The following SLMAP variants were observed in gnomAD, a reference collection of about 807,000 sequenced individuals.
The protein encoded by SLMAP is sarcolemma associated protein.
In SLMAP, 44 loss-of-function variants were observed where a neutral mutation model predicts 128.8. The observed-to-expected ratio is 0.34, with a 90% confidence interval of 0.27 to 0.44. The LOEUF (loss-of-function observed/expected upper bound fraction) is 0.44, where lower values mean the gene tolerates loss of function less well. Ranked by LOEUF, SLMAP falls within the 20% of genes least tolerant of loss-of-function variation. SLMAP has a pLI of 1.00. For missense variants in SLMAP, 787 were observed against 985.3 expected, an observed-to-expected ratio of 0.80 and a Z score of 2.69; for synonymous variants, 327 against 348.8, an observed-to-expected ratio of 0.94 and a Z score of 0.70.
chr3:57,858,992 G>C (rs2094920673), intron 8 of SLMAP, among the ~76,000 whole-genome samples: 1 of 152,200 alleles, frequency 6.6e-6, no homozygotes, highest in East Asian at 1.9e-4. Context: ...ATGTAATTCT[G>C]TTATTCCTTC....
rs374050940 is a variant in SLMAP, at chr3:57,890,058, G to A, written c.1318G>A (p.Gly440Arg). 3.1e-6 allele frequency: 5 copies of A among 1,613,484 alleles called. No homozygotes were observed. Among genetic ancestry groups the A allele is most frequent in the Non-Finnish European group, 3.4e-6 (4 of 1,179,558 alleles). Residue 440 changes from glycine to arginine, a missense_variant, in exon 15 of 25, where the codon GGG becomes AGG. Gly to Arg is a moderately radical substitution (Grantham distance 125). Around this residue, in one of 2 missense-constraint regions of SLMAP, gnomAD observed 715 missense variants for 843.6 expected, o/e 0.85. Transcript: ENST00000671191. ...CTTGGCAGAGAAGCTGATCGTCGAA[G>A]GGCATCTAACCAAAGCGGTAGAAGA... ...IECQKKLIVE[G>R]HLTKAVEETK...
At chr3:57,870,484 C>T (rs1321995184) in intron 13 of SLMAP, among the ~76,000 whole-genome samples, 1 of 151,978 alleles carries the variant, frequency 6.6e-6, no homozygotes, top group Non-Finnish European at 1.5e-5. Context: ...AACCTTTTTC[C>T]TCCATGTTTT....
At chr3:57,762,935 G>A (rs1314426667) in intron 2 of SLMAP, among the ~76,000 whole-genome samples, 2 of 152,056 alleles carry the variant, frequency 1.3e-5, no homozygotes, top group Admixed American at 6.6e-5. Flanking sequence ...ATTTGGCCAC[G>A]CTGGTCATGA....
intron 17 of SLMAP, 30 bp downstream of exon 17, chr3:57,896,962 A>T (rs1376294466): frequency 1.2e-6 from 2 of 1,612,844 alleles, no homozygotes; most frequent in East Asian, 2.2e-5. Context: ...TGACATCGTA[A>T]ACCAGGGTAT....
At position 57,797,183 on chromosome 3, in the gene SLMAP, T is replaced by TAA. The variant is rs35969510; in HGVS notation, c.199-34181_199-34180dup. Among the ~76,000 whole-genome samples the TAA allele has an allele frequency of 1.8e-3, 181 of 102,672 alleles. 2 individuals are homozygous for TAA. Among genetic ancestry groups the TAA allele is most frequent in the East Asian group, 0.013 (45 of 3,484 alleles). 67.4% of individuals were successfully genotyped at this position (102,672 alleles called of 152,430 possible). On this transcript the variant is annotated intron_variant, in intron 2 of 24. Transcript: ENST00000671191. ...GGTGACAGAGTGAGATCCTGTATCT[T>TAA]AAAAAAAAAAAAAAAAAAAAGCCAG...
chr3:57,889,913 T>C, intron 14 of SLMAP, 128 bp from the exon 15 acceptor site: 1 of 587,638 alleles, frequency 1.7e-6, no homozygotes, highest in Non-Finnish European at 3.1e-6. Context: ...TTCAAGTTTT[T>C]ATTCAAGCTT....
At chr3:57,901,746 T>C (rs1210096137) in intron 17 of SLMAP, 1 of 152,220 alleles carries the variant, frequency 6.6e-6, no homozygotes, top group Non-Finnish European at 1.5e-5. Flanking sequence ...TTAAGAGTTA[T>C]GTCGGCCAGG....
chr3:57,852,600 G>T (rs992912387), intron 6 of SLMAP, among the ~76,000 whole-genome samples: 1 of 152,204 alleles, frequency 6.6e-6, no homozygotes, highest in African/African-American at 2.4e-5. Context: ...TGCCATAAAT[G>T]TTAGTAGTTT....
intron 2 of SLMAP, among the ~76,000 whole-genome samples, chr3:57,786,548 A>G (rs1222280432): frequency 3.4e-5 from 5 of 148,776 alleles, no homozygotes; most frequent in Non-Finnish European, 7.5e-5. Flanking sequence ...TGAAAATTAT[A>G]TAGCTTTTTT....
At chr3:57,860,860 A>T in intron 9 of SLMAP, 21 bp downstream of exon 9, 1 of 1,554,866 alleles carries the variant, frequency 6.4e-7, no homozygotes, top group Non-Finnish European at 8.7e-7. Flanking sequence ...CAAAAAAAAA[A>T]TACTAAATAG....
chr3:57,775,307 G>T (rs1255406295), intron 2 of SLMAP, among the ~76,000 whole-genome samples: 2 of 152,086 alleles, frequency 1.3e-5, no homozygotes, highest in East Asian at 3.9e-4. Flanking sequence ...CTCCCAAAGT[G>T]CTGGGATTAC....
chr3:57,859,408 G>C (rs542398199), intron 8 of SLMAP, among the ~76,000 whole-genome samples: 1 of 151,362 alleles, frequency 6.6e-6, no homozygotes, highest in Non-Finnish European at 1.5e-5. Context: ...TTAAAGATTT[G>C]CTTAGCATAG....
chr3:57,790,303 A>C (rs1000077575), intron 2 of SLMAP, among the ~76,000 whole-genome samples: 3 of 152,234 alleles, frequency 2.0e-5, no homozygotes, highest in Non-Finnish European at 4.4e-5. Context: ...TGAGAGGCTA[A>C]GGACTGCTTA....
intron 2 of SLMAP, among the ~76,000 whole-genome samples, chr3:57,805,932 A>G (rs1201435735): frequency 6.6e-6 from 1 of 151,946 alleles, no homozygotes; most frequent in Non-Finnish European, 1.5e-5. Flanking sequence ...ATGATTCAGC[A>G]TGGGACAGCT....
At chr3:57,834,517 T>C (rs1266030450) in intron 3 of SLMAP, among the ~76,000 whole-genome samples, 1 of 152,152 alleles carries the variant, frequency 6.6e-6, no homozygotes, top group East Asian at 1.9e-4. Context: ...GATGTTTTCC[T>C]AGCAAAATTA....
At chr3:57,885,072 T>A (rs1417240337) in intron 14 of SLMAP, among the ~76,000 whole-genome samples, 3 of 98,162 alleles carry the variant, frequency 3.1e-5, no homozygotes, top group Admixed American at 2.4e-4. Context: ...GAAGCAGAAA[T>A]TTTTTTTTTT....
Position 57,831,380 on chromosome 3 carries a change from C to G in SLMAP, c.199-3C>G. 2 of 1,437,698 alleles carry G rather than the reference C, an allele frequency of 1.4e-6. No homozygotes were observed. The highest frequency in any genetic ancestry group is 2.6e-5 in the Admixed American group (1 of 38,724). The allele number at this position is 1,437,698 out of a possible 1,614,324, so 89.1% of individuals were successfully genotyped here. ...CCTTTTTTGTTTTTGTTTTTTTTTGCAGTTTTATCTTCAAGACACTAAAAG... is the reference window on the plus strand; with the variant it reads ...CCTTTTTTGTTTTTGTTTTTTTTTGGAGTTTTATCTTCAAGACACTAAAAG... On this transcript the variant is annotated splice_polypyrimidine_tract_variant and splice_region_variant and intron_variant, in intron 2 of 24. Coordinates refer to ENST00000671191, the MANE Select transcript of SLMAP (RefSeq NM_001377540.1).
chr3:57,830,410 C>T (rs982008179), intron 2 of SLMAP, among the ~76,000 whole-genome samples: 3 of 152,146 alleles, frequency 2.0e-5, no homozygotes, highest in Non-Finnish European at 4.4e-5. Flanking sequence ...TACCTTTCTT[C>T]CTTAGGAAGA....
chr3:57,761,102 T>C (rs967826182), intron 2 of SLMAP, among the ~76,000 whole-genome samples: 1 of 151,680 alleles, frequency 6.6e-6, no homozygotes, highest in African/African-American at 2.4e-5. Context: ...GGTAATTATA[T>C]AAATCACTTA....
Sources: allele counts gnomAD v4.1 joint callset (sites outside exome capture counted in the v4.1 genomes callset), GRCh38; gene constraint gnomAD v4.1.1; regional missense constraint gnomAD v4.1.1; transcripts MANE v1.5; gene names NCBI Gene and HGNC (gene_info 2026-07-23, HGNC 2026-07-21).